TRIM52: variants seen among roughly 807,000 people sequenced by gnomAD.
TRIM52 encodes tripartite motif containing 52.
TRIM52 carries 24 observed loss-of-function variants against 27.0 expected under a neutral mutation model. That is an observed-to-expected ratio of 0.89 (90% confidence interval 0.64 to 1.25). TRIM52 has a LOEUF of 1.25. Among genes scored for constraint, TRIM52 ranks in the 50% most tolerant of loss-of-function variants. TRIM52 has a pLI of 0.00. For missense variants in TRIM52, 351 were observed against 354.7 expected, an observed-to-expected ratio of 0.99 and a Z score of 0.08; for synonymous variants, 125 against 126.5, an observed-to-expected ratio of 0.99 and a Z score of 0.08.
Position 181,260,156 on chromosome 5 carries a change from G to T in TRIM52, c.658C>A (p.Arg220=). 6.2e-7 allele frequency: 1 copy of T among 1,614,158 alleles called. No individual in the cohort carries two copies. The change falls in exon 1 of 2, where the codon CGG becomes AGG. Residue 220 remains arginine, a synonymous_variant. Transcript: ENST00000688015. The surrounding 1 kb of genome is among the most constrained non-coding windows in gnomAD (Gnocchi z 4.4). ...QMCPTPYRGN[R]SNDQGMCFKH... The stretch of plus-strand genomic sequence containing the variant: ...AAGCACATGCCCTGATCATTACTCC[G>T]GTTTCCCCGATAAGGAGTGGGGCAC...
At chr5:181,254,881 T>C (rs1291176285), downstream of TRIM52, 1 of 152,214 alleles carries the variant, frequency 6.6e-6, no homozygotes, top group East Asian at 1.9e-4. Flanking sequence ...GGGAGTTGAT[T>C]TCAGATGTGT....
At chr5:181,253,123 C>T (rs915471623), downstream of TRIM52, among the ~76,000 whole-genome samples, 19 of 140,558 alleles carry the variant, frequency 1.4e-4, 7 homozygotes, top group African/African-American at 5.4e-4. Flanking sequence ...GCAACCTCCT[C>T]CTCCCAGGTT....
chr5:181,260,271 G>A lies in TRIM52; in HGVS notation c.543C>T (p.Phe181=), dbSNP rs1759985176. ...AGCTCTTTCGGCACTGGGGGCAGGT[G>A]AACTGCCCTGGAAGGGGCAAGGAAG... The part of the protein sequence containing the change: ...PPPSLPLPGQ[F]TCPQCRKSFT... Residue 181 remains phenylalanine (F), a synonymous_variant, in exon 1 of 2, where the codon TTC becomes TTT. Transcript: ENST00000688015. The surrounding 1 kb of genome is among the most constrained non-coding windows in gnomAD (Gnocchi z 4.4). 2.5e-6 allele frequency: 4 copies of A among 1,614,212 alleles called. No homozygotes were observed. Among genetic ancestry groups the A allele is most frequent in the Non-Finnish European group, 3.4e-6 (4 of 1,180,034 alleles).
At chr5:181,258,555 C>CA (rs1759886947) in intron 1 of TRIM52, 1 of 151,290 alleles carries the variant, frequency 6.6e-6, no homozygotes, top group South Asian at 2.1e-4. Flanking sequence ...GTTAATGTAA[C>CA]AGAGGTAGCA....
Position 181,256,875 on chromosome 5 carries a change from A to G in TRIM52, c.814-16T>C, listed in dbSNP as rs1023525525. On this transcript the variant is annotated splice_polypyrimidine_tract_variant and intron_variant, in intron 1 of 1. Transcript: ENST00000688015. ...ACCCTATCTTCTGCAAAATAACATG[A>G]GTATATACTTGAGAAAAGCCTCAAC... 1.0e-6 allele frequency: 1 copy of G among 985,388 alleles called. No individual in the cohort carries two copies. The highest frequency in any genetic ancestry group is 1.7e-5 in the African/African-American group (1 of 57,246). The allele number at this position is 985,388 out of a possible 1,614,324, so 61.0% of individuals were successfully genotyped here.
At position 181,260,939 on chromosome 5, in the gene TRIM52, G is replaced by A; in HGVS notation, c.-126C>T. The A allele has an allele frequency of 1.4e-6, 2 of 1,381,046 alleles. No individual in the cohort carries two copies. The highest frequency in any genetic ancestry group is 1.5e-5 in the South Asian group (1 of 64,696). The allele number at this position is 1,381,046 out of a possible 1,614,324, so 85.5% of individuals were successfully genotyped here. ...TCCTCAACCTTGCTCTTCTTCCTCG[G>A]GGCCGCAGGGGAGCTTTGACCCCCT... is the stretch of plus-strand genomic sequence containing the variant. On this transcript the variant is annotated 5_prime_UTR_variant, in exon 1 of 2. Coordinates refer to ENST00000688015, the MANE Select transcript of TRIM52 (RefSeq NM_001346048.2). This position sits in a 1 kb window ranked among gnomAD's most constrained non-coding sequence, Gnocchi z 4.4.
intron 1 of TRIM52, chr5:181,257,121 G>C (rs1759815352): frequency 4.6e-6 from 5 of 1,075,422 alleles, no homozygotes; most frequent in East Asian, 6.3e-5. Context: ...CCTAAAACCT[G>C]ACACCATTTA....
intron 1 of TRIM52, 65 bp from the exon 2 acceptor site, chr5:181,256,924 A>G (rs1412460155): frequency 7.1e-6 from 7 of 985,478 alleles, no homozygotes; most frequent in Non-Finnish European, 8.4e-6. Flanking sequence ...TGCCATTTTT[A>G]GCTACCTCAA....
chr5:181,259,652 A>C, intron 1 of TRIM52: 2 of 357,524 alleles, frequency 5.6e-6, no homozygotes, highest in Non-Finnish European at 1.1e-5. Context: ...GTCCCAGGGA[A>C]TTGGTCAAGG....
At position 181,256,564 on chromosome 5, in the gene TRIM52, G is replaced by T. The variant is rs1051161357; in HGVS notation, c.*245C>A. ...TTAATTCAGAGTTAAGACTGCAGAA[G>T]TAGATGAAGAAATTCTGGAATTCCT... On this transcript the variant is annotated 3_prime_UTR_variant, in exon 2 of 2. Coordinates refer to ENST00000688015, the MANE Select transcript of TRIM52 (RefSeq NM_001346048.2). The T allele has an allele frequency of 1.9e-5, 3 of 154,080 alleles. No homozygotes were observed. Among genetic ancestry groups the T allele is most frequent in the African/African-American group, 7.2e-5 (3 of 41,484 alleles). The allele number at this position is 154,080 out of a possible 1,614,324, so 9.5% of individuals were successfully genotyped here. A position where few individuals can be genotyped will look rare whatever the true frequency, so the allele number is the denominator to read the frequency against.
chr5:181,249,827 G>GTTTTTTTTTTTTTTT (rs1237894738), downstream of TRIM52, among the ~76,000 whole-genome samples: 407 of 128,432 alleles, frequency 3.2e-3, 10 homozygotes, highest in African/African-American at 0.012. Context: ...ATCACTTGCA[G>GTTTTTTTTTTTTTTT]TTTTTTTTTT....
At position 181,256,687 on chromosome 5, in the gene TRIM52, A is replaced by G. The variant is rs1176175661; in HGVS notation, c.*122T>C. ...AAGGGCTGTTTAATATTAAGCTTTC[A>G]CGGCTTGGAAGATTCCTGTGAATAT... On this transcript the variant is annotated 3_prime_UTR_variant, in exon 2 of 2. Transcript: ENST00000688015. 1.6e-6 allele frequency: 1 copy of G among 639,288 alleles called. No individual in the cohort carries two copies. Among genetic ancestry groups the G allele is most frequent in the Non-Finnish European group, 1.9e-6 (1 of 513,868 alleles). The allele number at this position is 639,288 out of a possible 1,614,324, so 39.6% of individuals were successfully genotyped here. A position where few individuals can be genotyped will look rare whatever the true frequency, so the allele number is the denominator to read the frequency against.
At position 181,257,532 on chromosome 5, in the gene TRIM52, C is replaced by T. The variant is rs557741710; in HGVS notation, c.814-673G>A. The T allele has an allele frequency of 1.0e-5, 16 of 1,547,818 alleles. No homozygotes were observed. In the South Asian group the frequency reaches 1.5e-4, roughly 14 times the overall value. On this transcript the variant is annotated intron_variant, in intron 1 of 1. Transcript: ENST00000688015. ...AAATGAAGTTTTTTTAACATTGTAA[C>T]AAAGTATATGAAAGATAATGTATAC...
At chr5:181,253,035 C>CTTTT (rs537636866), downstream of TRIM52, among the ~76,000 whole-genome samples, 1 of 134,708 alleles carries the variant, frequency 7.4e-6, no homozygotes, top group African/African-American at 2.9e-5. Flanking sequence ...ACTCAGGGTA[C>CTTTT]TTTTTTTTTT....
At chr5:181,255,091 C>T (rs1160237315), downstream of TRIM52, 3 of 152,094 alleles carry the variant, frequency 2.0e-5, no homozygotes, top group Non-Finnish European at 4.4e-5. Context: ...CACATTTGCC[C>T]CTCCATTTAC....
At chr5:181,250,066 T>G (rs1405728818), downstream of TRIM52, among the ~76,000 whole-genome samples, 1 of 148,128 alleles carries the variant, frequency 6.8e-6, no homozygotes, top group Admixed American at 6.6e-5. Context: ...TTTATTTTCC[T>G]GATAAAGATT....
chr5:181,250,073 G>A (rs908307237), downstream of TRIM52, among the ~76,000 whole-genome samples: 1 of 152,014 alleles, frequency 6.6e-6, no homozygotes, highest in East Asian at 1.9e-4. Flanking sequence ...TCCTGATAAA[G>A]ATTCAGCATA....
At chr5:181,259,631 T>C in intron 1 of TRIM52, 1 of 322,398 alleles carries the variant, frequency 3.1e-6, no homozygotes, top group South Asian at 3.1e-5. Context: ...TTTCTATTCC[T>C]ATCTGTACCT....
chr5:181,259,805 G>A, intron 1 of TRIM52, 196 bp downstream of exon 1: 1 of 1,261,864 alleles, frequency 7.9e-7, no homozygotes, highest in Non-Finnish European at 1.1e-6. Flanking sequence ...AAGCCAATCT[G>A]CCCCAATCTT....
Sources: allele counts gnomAD v4.1 joint callset (sites outside exome capture counted in the v4.1 genomes callset), GRCh38; gene constraint gnomAD v4.1.1; non-coding constraint Gnocchi (gnomAD v3.1); transcripts MANE v1.5; gene names NCBI Gene and HGNC (gene_info 2026-07-23, HGNC 2026-07-21).